GAL3ST2: variants seen among roughly 807,000 people sequenced by gnomAD.
The protein encoded by GAL3ST2 is galactose-3-O-sulfotransferase 2.
In GAL3ST2, 16 loss-of-function variants were observed where a neutral mutation model predicts 12.9. That is an observed-to-expected ratio of 1.24 (90% CI 0.84 to 1.88). GAL3ST2 has a LOEUF of 1.88. Ranked by LOEUF, GAL3ST2 falls within the 40% of genes most tolerant of loss-of-function variation. GAL3ST2 has a pLI of 0.00. For synonymous variants in GAL3ST2, 302 were observed against 273.9 expected (o/e 1.10, Z -1.01); for missense variants, 639 against 571.8 (o/e 1.12, Z -1.20).
In GAL3ST2 at chr2:241,802,553, G is replaced by A. The variant is rs956585321; in HGVS notation, c.375+517G>A. ...GCCAGCAGAGGCTAGGTGACCAGGCGGGGCCAGAGGGAGGCCGGGTGGGGA... is the reference window on the plus strand; with the variant it reads ...GCCAGCAGAGGCTAGGTGACCAGGCAGGGCCAGAGGGAGGCCGGGTGGGGA... On this transcript the variant is annotated intron_variant, in intron 3 of 3. Transcript: ENST00000192314. This position sits in a 1 kb window ranked among gnomAD's most constrained non-coding sequence, Gnocchi z 4.8. Among the ~76,000 whole-genome samples, 2 of 151,886 alleles carry A rather than the reference G, an allele frequency of 1.3e-5. No individual in the cohort carries two copies. Among genetic ancestry groups the A allele is most frequent in the African/African-American group, 4.8e-5 (2 of 41,336 alleles).
At position 241,802,278 on chromosome 2, in the gene GAL3ST2, G is replaced by A. The variant is rs1206191024; in HGVS notation, c.375+242G>A. On this transcript the variant is annotated intron_variant, in intron 3 of 3. Coordinates refer to ENST00000192314, the MANE Select transcript of GAL3ST2 (RefSeq NM_022134.3). The surrounding 1 kb of genome is among the most constrained non-coding windows in gnomAD (Gnocchi z 4.8). ...GGGAGCCCCACAGCCCCTGCCCAAG[G>A]GCGTCCCCAGCGCTCCCCCGCTTCT... 1.3e-5 allele frequency among the ~76,000 whole-genome samples: 2 copies of A among 152,216 alleles called. No individual in the cohort carries two copies. Among genetic ancestry groups the A allele is most frequent in the Non-Finnish European group, 2.9e-5 (2 of 68,026 alleles).
At chr2:241,788,012 A>G (rs79455001) in intron 1 of GAL3ST2, among the ~76,000 whole-genome samples, 511 of 152,278 alleles carry the variant, frequency 3.4e-3, no homozygotes, top group Non-Finnish European at 5.3e-3. Flanking sequence ...TTTCTGTCTT[A>G]AAAAAGCAAT....
chr2:241,799,031 C>T (rs778031484), intron 1 of GAL3ST2, 34 bp from the exon 2 acceptor site: 24 of 1,574,738 alleles, frequency 1.5e-5, no homozygotes, highest in African/African-American at 8.1e-5. Context: ...TGGCACGACC[C>T]GGACTGGGCA....
intron 1 of GAL3ST2, among the ~76,000 whole-genome samples, chr2:241,778,280 G>A (rs77111076): frequency 0.061 from 9,266 of 152,282 alleles, 309 homozygotes; most frequent in Middle Eastern, 0.099. Context: ...GGGGACAAAG[G>A]GGACGGTAGT....
Position 241,801,955 on chromosome 2 carries a change from C to T in GAL3ST2, c.294C>T (p.Phe98=), listed in dbSNP as rs369054425. The change falls in exon 3 of 4, where the codon TTC becomes TTT. Residue 98 remains phenylalanine (F), a synonymous_variant. Coordinates refer to ENST00000192314, the MANE Select transcript of GAL3ST2 (RefSeq NM_022134.3). This position sits in a 1 kb window ranked among gnomAD's most constrained non-coding sequence, Gnocchi z 4.4. ...TCCACCTGGGCTACCCCTGGCTCTT[C>T]CTGGCGCGCTACGTGGAAGGCGTGG... The part of the protein sequence containing the change: ...SRVHLGYPWL[F]LARYVEGVGS... 3.1e-6 allele frequency: 5 copies of T among 1,612,924 alleles called. No homozygotes were observed. Among genetic ancestry groups the T allele is most frequent in the African/African-American group, 1.3e-5 (1 of 74,940 alleles).
At position 241,795,507 on chromosome 2, in the gene GAL3ST2, T is replaced by C. The variant is rs1000453955; in HGVS notation, c.30-3558T>C. Among the ~76,000 whole-genome samples, 2 of 152,188 alleles carry C rather than the reference T, an allele frequency of 1.3e-5. No homozygotes were observed. The highest frequency in any genetic ancestry group is 4.8e-5 in the African/African-American group (2 of 41,450). On this transcript the variant is annotated intron_variant, in intron 1 of 3. Coordinates refer to ENST00000192314, the MANE Select transcript of GAL3ST2 (RefSeq NM_022134.3). This position sits in a 1 kb window ranked among gnomAD's most constrained non-coding sequence, Gnocchi z 4.5. ...CAGGGTGTTTGAGGAAGGAGTTGAC[T>C]ATGGCGGAACGAAGTGATGGCCAAG...
At position 241,776,860 on chromosome 2, in the gene GAL3ST2, C is replaced by T. The variant is rs894790363; in HGVS notation, c.-96C>T. ...CACAGCCGCACCCTGCCTGTGCCTGCACCCTGGGGAGCCCAGAGCCGGCAG... is the reference window on the plus strand; with the variant it reads ...CACAGCCGCACCCTGCCTGTGCCTGTACCCTGGGGAGCCCAGAGCCGGCAG... On this transcript the variant is annotated 5_prime_UTR_variant, in exon 1 of 4. Coordinates refer to ENST00000192314, the MANE Select transcript of GAL3ST2 (RefSeq NM_022134.3). 1.8e-6 allele frequency: 2 copies of T among 1,115,854 alleles called. No individual in the cohort carries two copies. Among genetic ancestry groups the T allele is most frequent in the Non-Finnish European group, 2.4e-6 (2 of 839,770 alleles). 69.1% of individuals were successfully genotyped at this position (1,115,854 alleles called of 1,614,324 possible). A position where few individuals can be genotyped will look rare whatever the true frequency, so the allele number is the denominator to read the frequency against.
chr2:241,781,765 T>C (rs76094446), intron 1 of GAL3ST2, among the ~76,000 whole-genome samples: 24,608 of 133,808 alleles, frequency 0.18, no homozygotes, highest in African/African-American at 0.32. Context: ...AACTATGTCG[T>C]TTTTGGACTT....
chr2:241,795,951 G>C lies in GAL3ST2; in HGVS notation c.30-3114G>C, dbSNP rs1379750261. 6.6e-6 allele frequency among the ~76,000 whole-genome samples: 1 copy of C among 152,230 alleles called. No homozygotes were observed. The highest frequency in any genetic ancestry group is 2.4e-5 in the African/African-American group (1 of 41,448). On this transcript the variant is annotated intron_variant, in intron 1 of 3. Coordinates refer to ENST00000192314, the MANE Select transcript of GAL3ST2 (RefSeq NM_022134.3). This position sits in a 1 kb window ranked among gnomAD's most constrained non-coding sequence, Gnocchi z 4.5. Reference sequence around the variant, plus strand: ...TGCATTGAAGAATTGTAGAGTGCAGGTGAAGGGAGGGCCTGGAAGCTCCTG... The same window carrying C: ...TGCATTGAAGAATTGTAGAGTGCAGCTGAAGGGAGGGCCTGGAAGCTCCTG...
rs560001370 is a variant in GAL3ST2, at chr2:241,802,309, C to T, written c.375+273C>T. On this transcript the variant is annotated intron_variant, in intron 3 of 3. Coordinates refer to ENST00000192314, the MANE Select transcript of GAL3ST2 (RefSeq NM_022134.3). This position sits in a 1 kb window ranked among gnomAD's most constrained non-coding sequence, Gnocchi z 4.8. ...CCCAGCGCTCCCCCGCTTCTCTGGCCTCCTAGTTGTGCACAGGCCCGGCTC... is the reference window on the plus strand; with the variant it reads ...CCCAGCGCTCCCCCGCTTCTCTGGCTTCCTAGTTGTGCACAGGCCCGGCTC... 6.6e-6 allele frequency among the ~76,000 whole-genome samples: 1 copy of T among 152,346 alleles called. No individual in the cohort carries two copies. The highest frequency in any genetic ancestry group is 6.5e-5 in the Admixed American group (1 of 15,310).
In GAL3ST2 at chr2:241,803,934, T is replaced by G. The variant is rs539216010; in HGVS notation, c.965T>G (p.Leu322Arg). The change falls in exon 4 of 4, where the codon CTG (leucine) becomes CGG (arginine). Residue 322 changes from leucine to arginine, a missense_variant. Leu to Arg is a moderately radical substitution (Grantham distance 102, BLOSUM62 -2). Transcript: ENST00000192314. ...ARRRELASLC[L>R]QDGGALKNHT... ...AGGCGCGAACTCGCGAGCCTGTGCC[T>G]GCAGGACGGCGGCGCGCTCAAGAAC... is the stretch of plus-strand genomic sequence containing the variant. 2 of 1,453,852 alleles carry G rather than the reference T, an allele frequency of 1.4e-6. No homozygotes were observed. Among genetic ancestry groups the G allele is most frequent in the Admixed American group, 5.6e-5 (2 of 35,546 alleles). 90.1% of individuals were successfully genotyped at this position (1,453,852 alleles called of 1,614,324 possible). A position where few individuals can be genotyped will look rare whatever the true frequency, so the allele number is the denominator to read the frequency against.
rs1699905099 is a variant in GAL3ST2 at position 241,804,202 on chromosome 2, C to T, written c.*36C>T. The T allele has an allele frequency of 1.5e-6, 2 of 1,363,842 alleles. No individual in the cohort carries two copies. Among genetic ancestry groups the T allele is most frequent in the South Asian group, 1.7e-5 (1 of 57,420 alleles). The allele number at this position is 1,363,842 out of a possible 1,614,324, so 84.5% of individuals were successfully genotyped here. A position where few individuals can be genotyped will look rare whatever the true frequency, so the allele number is the denominator to read the frequency against. ...CCGGGGACGAGGCCTCCTGCGGACACCAGCTCCTCTCTCCGCCGTCACCGG... is the reference window on the plus strand; with the variant it reads ...CCGGGGACGAGGCCTCCTGCGGACATCAGCTCCTCTCTCCGCCGTCACCGG... On this transcript the variant is annotated 3_prime_UTR_variant, in exon 4 of 4. Coordinates refer to ENST00000192314, the MANE Select transcript of GAL3ST2 (RefSeq NM_022134.3).
chr2:241,780,321 C>T (rs1301577055), intron 1 of GAL3ST2, among the ~76,000 whole-genome samples: 1 of 151,986 alleles, frequency 6.6e-6, no homozygotes, highest in Admixed American at 6.6e-5. Context: ...GAGTTTGAGA[C>T]CAGCCTGGCC....
intron 2 of GAL3ST2, among the ~76,000 whole-genome samples, chr2:241,799,576 C>T (rs1699817896): frequency 6.6e-6 from 1 of 152,366 alleles, no homozygotes; most frequent in East Asian, 1.9e-4. Flanking sequence ...GCCTGTGGCA[C>T]ATCCTCTGTG....
Position 241,801,623 on chromosome 2 carries a change from GC to G in GAL3ST2, c.120-156del. ...GTTGTGGAGTGGGGCAAGGATTGGGGCCATGGGTCGGTGCCTACCCAGTTGG... is the reference window on the plus strand; with the variant it reads ...GTTGTGGAGTGGGGCAAGGATTGGGGCATGGGTCGGTGCCTACCCAGTTGG... On this transcript the variant is annotated intron_variant, in intron 2 of 3. Transcript: ENST00000192314. The surrounding 1 kb of genome is among the most constrained non-coding windows in gnomAD (Gnocchi z 4.4). The G allele has an allele frequency of 1.1e-6, 1 of 899,930 alleles. No individual in the cohort carries two copies. Among genetic ancestry groups the G allele is most frequent in the Non-Finnish European group, 1.6e-6 (1 of 608,644 alleles). 55.7% of individuals were successfully genotyped at this position (899,930 alleles called of 1,614,324 possible).
Position 241,803,488 on chromosome 2 carries a change from G to A in GAL3ST2, c.519G>A (p.Ser173=), listed in dbSNP as rs780590626. ...GAPSLDAFLA[S]PRTFYNDSRH... ...CGAGCCTGGACGCGTTCCTGGCCTC[G>A]CCGCGGACGTTCTACAACGACAGCC... Residue 173 remains serine, a synonymous_variant, in exon 4 of 4, where the codon TCG becomes TCA. Coordinates refer to ENST00000192314, the MANE Select transcript of GAL3ST2 (RefSeq NM_022134.3). 5.6e-6 allele frequency: 9 copies of A among 1,611,574 alleles called. No homozygotes were observed. Among genetic ancestry groups the A allele is most frequent in the Non-Finnish European group, 7.6e-6 (9 of 1,179,356 alleles).
rs988400564 is a variant in GAL3ST2 at position 241,803,829 on chromosome 2, A to T, written c.860A>T (p.Asn287Ile). 4 of 1,487,478 alleles carry T rather than the reference A, an allele frequency of 2.7e-6. No individual in the cohort carries two copies. The African/African-American group carries it at 4.4e-5, about 17-fold the overall frequency. 92.1% of individuals were successfully genotyped at this position (1,487,478 alleles called of 1,614,324 possible). The change falls in exon 4 of 4, where the codon AAC becomes ATC. Residue 287 changes from asparagine to isoleucine, a missense_variant. Coordinates refer to ENST00000192314, the MANE Select transcript of GAL3ST2 (RefSeq NM_022134.3). ...GACTGGCGCCTGTACGAGCATTTCA[A>T]CCGCACCCTCTGGGCGCAGCTGCGC... ...ALDWRLYEHFNRTLWAQLRAE... is the reference protein window; with the variant it reads ...ALDWRLYEHFIRTLWAQLRAE...
At position 241,776,940 on chromosome 2, in the gene GAL3ST2, G is replaced by C; in HGVS notation, c.-16G>C. 6.5e-7 allele frequency: 1 copy of C among 1,536,216 alleles called. No homozygotes were observed. Among genetic ancestry groups the C allele is most frequent in the Non-Finnish European group, 8.8e-7 (1 of 1,136,300 alleles). On this transcript the variant is annotated 5_prime_UTR_variant, in exon 1 of 4. Coordinates refer to ENST00000192314, the MANE Select transcript of GAL3ST2 (RefSeq NM_022134.3). ...TCAAGCCTCGACTGTCCCCTCGCTG[G>C]AGGCCAGAGGCCAAGATGATGTCCA...
At chr2:241,792,571 T>C (rs961038957) in intron 1 of GAL3ST2, among the ~76,000 whole-genome samples, 1 of 152,150 alleles carries the variant, frequency 6.6e-6, no homozygotes, top group Admixed American at 6.6e-5. Context: ...CTATTTTCTC[T>C]TCTAGGACAT....
Sources: allele counts gnomAD v4.1 joint callset (sites outside exome capture counted in the v4.1 genomes callset), GRCh38; gene constraint gnomAD v4.1.1; non-coding constraint Gnocchi (gnomAD v3.1); transcripts MANE v1.5; gene names NCBI Gene and HGNC (gene_info 2026-07-23, HGNC 2026-07-21).